Variants in LRRC4C observed in about 807,000 individuals in gnomAD.
The protein encoded by LRRC4C is leucine rich repeat containing 4C.
LRRC4C carries 5 observed loss-of-function variants against 33.6 expected under a neutral mutation model. The observed-to-expected ratio is 0.15, with a 90% confidence interval of 0.08 to 0.31. The LOEUF is 0.31. Ranked by LOEUF, LRRC4C falls within the 10% of genes least tolerant of loss-of-function variation. The probability of loss-of-function intolerance (pLI) is 1.00; values close to 1 mark genes in which losing one functional copy is unlikely to be tolerated. For missense variants in LRRC4C, 560 were observed against 796.7 expected, an observed-to-expected ratio of 0.70 and a Z score of 3.58; for synonymous variants, 329 against 302.0, an observed-to-expected ratio of 1.09 and a Z score of -0.93.
chr11:40,355,781 C>T (rs1947628806), intron 3 of LRRC4C, among the ~76,000 whole-genome samples: 1 of 152,102 alleles, frequency 6.6e-6, no homozygotes, highest in Non-Finnish European at 1.5e-5. Flanking sequence ...AAATCAGGTA[C>T]TGTGATCACA....
In LRRC4C at chr11:41,222,016, A is replaced by G. The variant is rs117406899; in HGVS notation, c.-496+237415T>C. 4.9e-3 allele frequency among the ~76,000 whole-genome samples: 746 copies of G among 152,346 alleles called. 1 individual carries two copies. The highest frequency in any genetic ancestry group is 8.4e-3 in the Non-Finnish European group (574 of 68,030). ...ATATCTTTGGATGTTTCACAACCAA[A>G]TAAAATCTCACCTTCTAAGGGAGCA... On this transcript the variant is annotated intron_variant, in intron 1 of 6. Transcript: ENST00000528697.
At chr11:41,090,967 A>G (rs1940374138) in intron 1 of LRRC4C, among the ~76,000 whole-genome samples, 1 of 152,140 alleles carries the variant, frequency 6.6e-6, no homozygotes, top group Non-Finnish European at 1.5e-5. Flanking sequence ...AGCATTGTGA[A>G]AACAGACTAA....
intron 1 of LRRC4C, among the ~76,000 whole-genome samples, chr11:40,936,388 A>G (rs960475190): frequency 7.6e-6 from 1 of 132,032 alleles, no homozygotes; most frequent in African/African-American, 2.9e-5. Context: ...CCCAGGCTGG[A>G]GTGCAGTGGC....
At chr11:40,899,147 A>AGCTGG (rs1956099020) in intron 2 of LRRC4C, among the ~76,000 whole-genome samples, 1 of 151,942 alleles carries the variant, frequency 6.6e-6, no homozygotes, top group Non-Finnish European at 1.5e-5. Flanking sequence ...AACTCATTCC[A>AGCTGG]AGTATTGCCA....
At chr11:40,692,868 C>G (rs1342653350) in intron 2 of LRRC4C, among the ~76,000 whole-genome samples, 1 of 151,974 alleles carries the variant, frequency 6.6e-6, no homozygotes, top group Non-Finnish European at 1.5e-5. Flanking sequence ...ATGAGAAGAA[C>G]CTTATCTATG....
chr11:41,403,158 G>A (rs1190026508), intron 1 of LRRC4C, among the ~76,000 whole-genome samples: 2 of 152,022 alleles, frequency 1.3e-5, no homozygotes, highest in East Asian at 1.9e-4. Context: ...GACTACAAAG[G>A]TGTGTTCTAT....
At chr11:40,160,283 T>C (rs1426404271) in intron 5 of LRRC4C, among the ~76,000 whole-genome samples, 4 of 151,974 alleles carry the variant, frequency 2.6e-5, no homozygotes, top group Admixed American at 6.6e-5. Flanking sequence ...AGCTTCAAGA[T>C]GATTATTAGA....
chr11:40,670,016 T>G (rs558724695), intron 2 of LRRC4C, among the ~76,000 whole-genome samples: 1 of 152,194 alleles, frequency 6.6e-6, no homozygotes, highest in African/African-American at 2.4e-5. Context: ...TATAGCTTTA[T>G]TTTTTGCCAA....
intron 2 of LRRC4C, among the ~76,000 whole-genome samples, chr11:40,832,430 G>A (rs951012341): frequency 1.3e-5 from 2 of 152,206 alleles, no homozygotes; most frequent in Admixed American, 6.5e-5. Flanking sequence ...GTCAGACTCT[G>A]ATCTAGATAT....
intron 3 of LRRC4C, among the ~76,000 whole-genome samples, chr11:40,549,225 G>A (rs550678200): frequency 3.9e-5 from 6 of 152,226 alleles, no homozygotes; most frequent in Admixed American, 3.3e-4. Context: ...TGTAGCTTAT[G>A]ATACAATCAG....
intron 1 of LRRC4C, among the ~76,000 whole-genome samples, chr11:41,342,291 T>C (rs1168131131): frequency 5.3e-5 from 8 of 152,354 alleles, no homozygotes; most frequent in Admixed American, 4.6e-4. Context: ...GCACCACATA[T>C]ACAGAATTCA....
intron 1 of LRRC4C, among the ~76,000 whole-genome samples, chr11:41,205,779 A>G (rs1365464185): frequency 6.6e-6 from 1 of 152,226 alleles, no homozygotes; most frequent in African/African-American, 2.4e-5. Context: ...CTTAACTTTC[A>G]TAACAACTCT....
intron 5 of LRRC4C, among the ~76,000 whole-genome samples, chr11:40,229,942 G>A (rs1365051773): frequency 2.0e-5 from 3 of 152,112 alleles, no homozygotes; most frequent in East Asian, 1.9e-4. Flanking sequence ...TTTTATTATC[G>A]TGATGTTTGT....
chr11:41,225,657 G>T (rs1290959291), intron 1 of LRRC4C, among the ~76,000 whole-genome samples: 1 of 151,282 alleles, frequency 6.6e-6, no homozygotes, highest in Non-Finnish European at 1.5e-5. Context: ...ATATTTTTTT[G>T]TTTCTATCAT....
In LRRC4C at chr11:40,756,617, G is replaced by A. The variant is rs73475359; in HGVS notation, c.-406-108339C>T. On this transcript the variant is annotated intron_variant, in intron 2 of 6. Transcript: ENST00000528697. ...TTTGGTATTTGGATACATTTTCAAA[G>A]CTGTTGTCCTTCAAGTTTTGACAAA... Among the ~76,000 whole-genome samples, 26 of 152,170 alleles carry A rather than the reference G, an allele frequency of 1.7e-4. 1 individual carries two copies. The highest frequency in any genetic ancestry group is 6.3e-4 in the African/African-American group (26 of 41,532).
chr11:40,994,053 CTTTT>C (rs10552924), intron 1 of LRRC4C, among the ~76,000 whole-genome samples: 3 of 144,674 alleles, frequency 2.1e-5, no homozygotes, highest in Admixed American at 1.4e-4. Context: ...TTGGAATGTA[CTTTT>C]TTTTTTTTTT....
At chr11:41,059,024 C>CTT (rs1858854560) in intron 1 of LRRC4C, among the ~76,000 whole-genome samples, 1 of 151,956 alleles carries the variant, frequency 6.6e-6, no homozygotes, top group Non-Finnish European at 1.5e-5. Context: ...TGGACACAAA[C>CTT]TAGGGAACAA....
chr11:40,494,594 C>T (rs1258601303), intron 3 of LRRC4C, among the ~76,000 whole-genome samples: 1 of 152,016 alleles, frequency 6.6e-6, no homozygotes, highest in Non-Finnish European at 1.5e-5. Context: ...TTTGTTTATA[C>T]ATCTAGCATG....
At position 40,993,995 on chromosome 11, in the gene LRRC4C, G is replaced by A. The variant is rs184789616; in HGVS notation, c.-495-60272C>T. The stretch of plus-strand genomic sequence containing the variant: ...CCCCTTGCTGTGGATAACGGGAACT[G>A]GATGGGGCATACTACTGTTACTTTC... On this transcript the variant is annotated intron_variant, in intron 1 of 6. Coordinates refer to ENST00000528697, the MANE Select transcript of LRRC4C (RefSeq NM_001258419.2). Among the ~76,000 whole-genome samples the A allele has an allele frequency of 6.6e-5, 10 of 151,618 alleles. No homozygotes were observed. In the East Asian group the frequency reaches 1.9e-3, roughly 29 times the overall value.
Sources: gnomAD v4.1 joint callset for allele counts (sites outside exome capture counted in the v4.1 genomes callset) on GRCh38, gnomAD v4.1.1 for gene constraint, MANE v1.5 for transcripts, NCBI Gene and HGNC (gene_info 2026-07-23, HGNC 2026-07-21) for gene names.